RBFOX1: variants seen among roughly 807,000 people sequenced by gnomAD.
RBFOX1 encodes RNA binding fox-1 homolog 1.
Under a neutral mutation model 57.7 loss-of-function variants are expected in RBFOX1, and 8 were observed. The observed-to-expected ratio is 0.14, with a 90% CI of 0.08 to 0.25. RBFOX1 has a LOEUF of 0.25. Ranked by LOEUF, RBFOX1 falls within the 10% of genes least tolerant of loss-of-function variation. RBFOX1 has a pLI of 1.00. For synonymous variants in RBFOX1, 326 were observed against 222.4 expected, an observed-to-expected ratio of 1.47 and a Z score of -4.15; for missense variants, 611 against 548.5, an observed-to-expected ratio of 1.11 and a Z score of -1.14.
In RBFOX1 at chr16:6,938,701, G is replaced by C. The variant is rs554658330; in HGVS notation, c.-15-113356G>C. ...GGGGCTTTGCCATGTTGGCCAGGCT[G>C]GTCTCGAATCACTTGAGATCAGAAG... is the stretch of plus-strand genomic sequence containing the variant. On this transcript the variant is annotated intron_variant, in intron 3 of 15. Coordinates refer to ENST00000550418, the MANE Select transcript of RBFOX1 (RefSeq NM_018723.4). Among the ~76,000 whole-genome samples, 4 of 152,252 alleles carry C rather than the reference G, an allele frequency of 2.6e-5. No individual in the cohort carries two copies. The East Asian group carries it at 5.8e-4, about 22-fold the overall frequency.
intron 5 of RBFOX1, among the ~76,000 whole-genome samples, chr16:7,549,718 C>T (rs941609111): frequency 1.3e-5 from 2 of 152,096 alleles, no homozygotes; most frequent in Non-Finnish European, 2.9e-5. Flanking sequence ...GTCTTTCCAC[C>T]TTCTTCTGCC....
intron 4 of RBFOX1, among the ~76,000 whole-genome samples, chr16:5,885,236 C>T (rs1181931469): frequency 6.7e-6 from 1 of 149,432 alleles, no homozygotes; most frequent in Non-Finnish European, 1.5e-5. Flanking sequence ...AAAGAGATTT[C>T]ATAAATCATT....
intron 3 of RBFOX1, among the ~76,000 whole-genome samples, chr16:5,862,644 C>T (rs1597542025): frequency 6.6e-6 from 1 of 152,260 alleles, no homozygotes; most frequent in Non-Finnish European, 1.5e-5. Context: ...CTACTGCTTG[C>T]CAGGGAAGTA....
At chr16:6,995,370 G>A (rs1297263607) in intron 3 of RBFOX1, among the ~76,000 whole-genome samples, 2 of 151,120 alleles carry the variant, frequency 1.3e-5, no homozygotes, top group African/African-American at 4.9e-5. Context: ...GCCAACTTGG[G>A]GAGGGGGATG....
chr16:7,318,587 G>A (rs905465865), intron 4 of RBFOX1, among the ~76,000 whole-genome samples: 3 of 152,272 alleles, frequency 2.0e-5, no homozygotes, highest in Admixed American at 2.0e-4. Flanking sequence ...ATTATTTAAT[G>A]TTTGTTAAAA....
chr16:5,528,535 G>T (rs918369173), intron 2 of RBFOX1, among the ~76,000 whole-genome samples: 4 of 148,606 alleles, frequency 2.7e-5, no homozygotes, highest in East Asian at 2.0e-4. Flanking sequence ...ATATTCCCCC[G>T]ACAGCTCTTC....
intron 2 of RBFOX1, among the ~76,000 whole-genome samples, chr16:6,441,675 C>T (rs954484363): frequency 8.5e-5 from 13 of 152,298 alleles, no homozygotes; most frequent in African/African-American, 3.1e-4. Flanking sequence ...ACTTTGGCCT[C>T]TCAAAGTGCT....
At chr16:5,411,232 A>G (rs939208064) in intron 1 of RBFOX1, among the ~76,000 whole-genome samples, 1 of 152,222 alleles carries the variant, frequency 6.6e-6, no homozygotes, top group Non-Finnish European at 1.5e-5. Flanking sequence ...GGCGAAAGGG[A>G]CTTTGCATGT....
At chr16:5,289,182 G>T (rs777957575) in intron 1 of RBFOX1, 2 of 273,878 alleles carry the variant, frequency 7.3e-6, no homozygotes, top group South Asian at 1.4e-4. Flanking sequence ...ATGTAATGAG[G>T]CCTCCCCTCT....
intron 14 of RBFOX1, among the ~76,000 whole-genome samples, chr16:7,687,571 C>G (rs1023267235): frequency 6.6e-6 from 1 of 152,030 alleles, no homozygotes; most frequent in Admixed American, 6.6e-5. Flanking sequence ...GTTTAATATT[C>G]AGAAAACACT....
intron 1 of RBFOX1, among the ~76,000 whole-genome samples, chr16:5,455,528 G>A (rs1176398835): frequency 6.6e-6 from 1 of 152,144 alleles, no homozygotes; most frequent in African/African-American, 2.4e-5. Flanking sequence ...GAATATTTGA[G>A]ATTCTTTCTT....
chr16:7,161,046 G>A lies in RBFOX1; in HGVS notation c.27+108948G>A, dbSNP rs182097093. Among the ~76,000 whole-genome samples the A allele has an allele frequency of 2.3e-3, 357 of 151,994 alleles. 4 individuals carry two copies. The highest frequency in any genetic ancestry group is 8.3e-3 in the African/African-American group (341 of 41,262). ...CATTTGTTGTCAGTGTTTTGGTTCA[G>A]GTTGTTCCCAGCTACCCAGATGACT... is the stretch of plus-strand genomic sequence containing the variant. On this transcript the variant is annotated intron_variant, in intron 4 of 15. Transcript: ENST00000550418.
At chr16:7,294,392 A>G (rs1043582306) in intron 4 of RBFOX1, among the ~76,000 whole-genome samples, 4 of 151,860 alleles carry the variant, frequency 2.6e-5, no homozygotes, top group East Asian at 1.9e-4. Flanking sequence ...TGCTCTGGGT[A>G]CCTTTTAATT....
Position 6,888,468 on chromosome 16 carries a change from T to G in RBFOX1, c.-15-163589T>G, listed in dbSNP as rs188826733. On this transcript the variant is annotated intron_variant, in intron 3 of 15. Coordinates refer to ENST00000550418, the MANE Select transcript of RBFOX1 (RefSeq NM_018723.4). Reference sequence around the variant, plus strand: ...AGTCACTTACTGTCTTGGGTTTCATTTTCGGTTCAGGGGGAAATTAAATTC... The same window carrying G: ...AGTCACTTACTGTCTTGGGTTTCATGTTCGGTTCAGGGGGAAATTAAATTC... Among the ~76,000 whole-genome samples the G allele has an allele frequency of 8.3e-4, 126 of 152,286 alleles. 1 individual carries two copies. In the East Asian group the frequency reaches 0.018, roughly 21 times the overall value.
intron 2 of RBFOX1, among the ~76,000 whole-genome samples, chr16:6,429,235 G>A (rs572829471): frequency 1.3e-5 from 2 of 152,238 alleles, no homozygotes; most frequent in Non-Finnish European, 1.5e-5. Context: ...CTTTGGTGGA[G>A]AGTGGGAGAA....
chr16:7,606,208 G>A (rs995755063), intron 9 of RBFOX1, among the ~76,000 whole-genome samples: 13 of 146,224 alleles, frequency 8.9e-5, no homozygotes, highest in African/African-American at 3.3e-4. Flanking sequence ...TGCAACCTCT[G>A]CCTCCCAGGT....
intron 4 of RBFOX1, among the ~76,000 whole-genome samples, chr16:7,146,292 A>G (rs775385983): frequency 6.6e-6 from 1 of 152,196 alleles, no homozygotes; most frequent in African/African-American, 2.4e-5. Context: ...ACTAAAAATG[A>G]TAGCTCTGCT....
chr16:6,577,517 T>G (rs986197521), intron 2 of RBFOX1, among the ~76,000 whole-genome samples: 1 of 152,216 alleles, frequency 6.6e-6, no homozygotes, highest in African/African-American at 2.4e-5. Context: ...CTCTGAAATC[T>G]CAGTGATATA....
At position 7,711,387 on chromosome 16, in the gene RBFOX1, C is replaced by G. The variant is rs1036415475; in HGVS notation, c.*642C>G. The stretch of plus-strand genomic sequence containing the variant: ...TGCATCTGAGTTGAATGAAGCTGTG[C>G]AAACCCACCCTTTAAACCATTCCAC... On this transcript the variant is annotated 3_prime_UTR_variant, in exon 16 of 16. Transcript: ENST00000550418. 3.3e-5 allele frequency: 5 copies of G among 152,510 alleles called. No individual in the cohort carries two copies. Among genetic ancestry groups the G allele is most frequent in the African/African-American group, 1.2e-4 (5 of 41,370 alleles). The allele number at this position is 152,510 out of a possible 1,614,324, so 9.4% of individuals were successfully genotyped here.
Sources: gnomAD v4.1 joint callset for allele counts (sites outside exome capture counted in the v4.1 genomes callset) on GRCh38, gnomAD v4.1.1 for gene constraint, MANE v1.5 for transcripts, NCBI Gene and HGNC (gene_info 2026-07-23, HGNC 2026-07-21) for gene names.